Variants in PTBP2 observed in about 807,000 individuals in gnomAD.
PTBP2 encodes the protein polypyrimidine tract-binding protein 2.
PTBP2 carries 13 observed loss-of-function variants against 61.4 expected under a neutral mutation model. The ratio of observed to expected loss-of-function variants is 0.21; its 90% CI spans 0.14 to 0.34. The LOEUF (loss-of-function observed/expected upper bound fraction) is 0.34. PTBP2 is among the 10% of genes least tolerant of loss of function. The probability of loss-of-function intolerance (pLI) is 1.00; values close to 1 mark genes in which losing one functional copy is unlikely to be tolerated. For missense variants in PTBP2, 405 were observed against 642.6 expected (o/e 0.63, Z 4.00); for synonymous variants, 215 against 218.5 (o/e 0.98, Z 0.14).
chr1:96,776,485 C>T (rs912190052), intron 5 of PTBP2, among the ~76,000 whole-genome samples: 5 of 151,764 alleles, frequency 3.3e-5, no homozygotes, highest in Non-Finnish European at 7.4e-5. Context: ...ACTCTCAAGC[C>T]GTGTGATCTG....
intron 2 of PTBP2, among the ~76,000 whole-genome samples, chr1:96,730,320 A>G (rs750040655): frequency 6.6e-6 from 1 of 152,012 alleles, no homozygotes; most frequent in Non-Finnish European, 1.5e-5. Context: ...TAGTACTTTT[A>G]CTTATATAGG....
chr1:96,811,511 C>T (rs1003440322), intron 11 of PTBP2, among the ~76,000 whole-genome samples: 14 of 152,138 alleles, frequency 9.2e-5, no homozygotes, highest in African/African-American at 3.4e-4. Flanking sequence ...CCTCCGCCTC[C>T]TGGGTACAAG....
chr1:96,797,051 G>A (rs1660466175), intron 8 of PTBP2, among the ~76,000 whole-genome samples: 1 of 152,154 alleles, frequency 6.6e-6, no homozygotes, highest in Non-Finnish European at 1.5e-5. Context: ...TGGAGAAGAG[G>A]GAAATAAAGC....
intron 8 of PTBP2, among the ~76,000 whole-genome samples, chr1:96,793,443 C>T (rs989779844): frequency 2.0e-5 from 3 of 151,996 alleles, no homozygotes; most frequent in East Asian, 3.9e-4. Flanking sequence ...GATCTCTGCT[C>T]ACTGCAAGCT....
chr1:96,735,930 A>G (rs936985950), intron 2 of PTBP2, among the ~76,000 whole-genome samples: 9 of 152,220 alleles, frequency 5.9e-5, no homozygotes, highest in African/African-American at 2.2e-4. Flanking sequence ...GTAAAAGAGC[A>G]GAGCACCAAA....
Position 96,777,821 on chromosome 1 carries a change from T to G in PTBP2, c.598-15T>G. On this transcript the variant is annotated splice_polypyrimidine_tract_variant and intron_variant, in intron 6 of 13. Transcript: ENST00000674951. Reference sequence around the variant, plus strand: ...ATAGTAAATAAGTAATGTTTTGATTTTAATGTTTTAACAGATATTTTCTAA... The same window carrying G: ...ATAGTAAATAAGTAATGTTTTGATTGTAATGTTTTAACAGATATTTTCTAA... 2 of 1,542,994 alleles carry G rather than the reference T, an allele frequency of 1.3e-6. No homozygotes were observed. Among genetic ancestry groups the G allele is most frequent in the South Asian group, 1.2e-5 (1 of 80,098 alleles).
chr1:96,730,279 T>G (rs957637402), intron 2 of PTBP2, among the ~76,000 whole-genome samples: 1 of 152,204 alleles, frequency 6.6e-6, no homozygotes, highest in African/African-American at 2.4e-5. Flanking sequence ...CATTTTCTAC[T>G]TAGTTAACAT....
chr1:96,721,882 C>G lies in PTBP2; in HGVS notation c.8+10C>G. On this transcript the variant is annotated intron_variant, in intron 1 of 13. Coordinates refer to ENST00000674951, the MANE Select transcript of PTBP2 (RefSeq NM_021190.4). ...GTTCGGCAATGGACGGGTATGTAAT[C>G]GGGCCGGCGAGAAGGTGTGTGTGAG... The G allele has an allele frequency of 1.3e-6, 2 of 1,574,850 alleles. No individual in the cohort carries two copies. The highest frequency in any genetic ancestry group is 1.2e-5 in the South Asian group (1 of 85,678).
At chr1:96,778,047 C>T (rs1338796963) in intron 7 of PTBP2, 101 bp downstream of exon 7, 6 of 453,890 alleles carry the variant, frequency 1.3e-5, no homozygotes, top group African/African-American at 6.2e-5. Context: ...TGTAGCATTA[C>T]AGATAGTAGA....
exon 14 of PTBP2, chr1:96,821,791 G>C (rs1050845449): frequency 6.6e-6 from 1 of 152,012 alleles, no homozygotes; most frequent in Non-Finnish European, 1.5e-5. Context: ...ACCACACCCA[G>C]CTAATTTTTG....
At position 96,796,790 on chromosome 1, in the gene PTBP2, C is replaced by A. The variant is rs144061775; in HGVS notation, c.905-8010C>A. 2.9e-3 allele frequency among the ~76,000 whole-genome samples: 435 copies of A among 150,808 alleles called. 1 individual carries two copies. Among genetic ancestry groups the A allele is most frequent in the African/African-American group, 0.01 (412 of 41,174 alleles). On this transcript the variant is annotated intron_variant, in intron 8 of 13. Coordinates refer to ENST00000674951, the MANE Select transcript of PTBP2 (RefSeq NM_021190.4). ...GCTTGACTCTATGGTAAAGTCAAGT[C>A]AAGGGAGAATAGAAAGGGGGTCACC...
At chr1:96,756,862 T>C (rs1306580741) in intron 3 of PTBP2, among the ~76,000 whole-genome samples, 1 of 152,182 alleles carries the variant, frequency 6.6e-6, no homozygotes, top group African/African-American at 2.4e-5. Context: ...GATAGATACA[T>C]GTCATACATT....
downstream of PTBP2, chr1:96,818,660 G>A (rs1662569714): frequency 6.6e-6 from 1 of 152,048 alleles, no homozygotes; most frequent in South Asian, 2.1e-4. Context: ...ATAAGTTGGA[G>A]AAGCACTCAA....
chr1:96,805,702 A>G (rs1223779633), intron 9 of PTBP2, among the ~76,000 whole-genome samples: 1 of 152,234 alleles, frequency 6.6e-6, no homozygotes, highest in Admixed American at 6.5e-5. Flanking sequence ...CTCTGTTAAT[A>G]TGAACATTAG....
intron 11 of PTBP2, among the ~76,000 whole-genome samples, chr1:96,808,780 CCAT>C (rs1661746366): frequency 6.6e-6 from 1 of 151,682 alleles, no homozygotes; most frequent in South Asian, 2.1e-4. Context: ...TGTACTGACA[CCAT>C]CATTTCCTTT....
chr1:96,787,640 A>G (rs1257192113), intron 8 of PTBP2, among the ~76,000 whole-genome samples: 2 of 152,230 alleles, frequency 1.3e-5, no homozygotes. Flanking sequence ...CCTGGTTTTG[A>G]TAATTCACAA....
chr1:96,804,787 C>A lies in PTBP2; in HGVS notation c.905-13C>A. 1 of 1,583,712 alleles carries A rather than the reference C, an allele frequency of 6.3e-7. No individual in the cohort carries two copies. Among genetic ancestry groups the A allele is most frequent in the Non-Finnish European group, 8.6e-7 (1 of 1,166,360 alleles). On this transcript the variant is annotated splice_polypyrimidine_tract_variant and intron_variant, in intron 8 of 13. Coordinates refer to ENST00000674951, the MANE Select transcript of PTBP2 (RefSeq NM_021190.4). ...AATATGCTTTATTTTAAAATTAGGG[C>A]TTCCTGTTGCAGCTGTTCCAGGAGC... is the stretch of plus-strand genomic sequence containing the variant.
At chr1:96,767,248 T>C (rs945209264) in intron 3 of PTBP2, among the ~76,000 whole-genome samples, 4 of 152,158 alleles carry the variant, frequency 2.6e-5, no homozygotes, top group African/African-American at 9.6e-5. Flanking sequence ...CAAAATAAAT[T>C]ATTTAATTTC....
At chr1:96,747,897 T>A (rs964794588) in intron 2 of PTBP2, among the ~76,000 whole-genome samples, 1 of 152,072 alleles carries the variant, frequency 6.6e-6, no homozygotes, top group Admixed American at 6.6e-5. Flanking sequence ...CTTTTTTTTT[T>A]AAAGTCAGCT....
Sources: gnomAD v4.1 joint callset for allele counts (sites outside exome capture counted in the v4.1 genomes callset) on GRCh38, gnomAD v4.1.1 for gene constraint, MANE v1.5 for transcripts, NCBI Gene and HGNC (gene_info 2026-07-23, HGNC 2026-07-21) for gene names.